JKAMP: variants seen among roughly 807,000 people sequenced by gnomAD.
JKAMP encodes JNK1/MAPK8 associated membrane protein.
A neutral mutation model predicts 40.2 loss-of-function variants in JKAMP; 20 were observed. The observed-to-expected ratio is 0.50, with a 90% CI of 0.35 to 0.72. The LOEUF is 0.72. Among genes scored for constraint, JKAMP ranks in the 30% least tolerant of loss-of-function variants. JKAMP has a pLI of 0.01. For missense variants in JKAMP, 276 were observed against 373.0 expected (o/e 0.74, Z 2.14); for synonymous variants, 138 against 131.6 (o/e 1.05, Z -0.33).
intron 6 of JKAMP, among the ~76,000 whole-genome samples, chr14:59,502,456 C>G (rs1162130716): frequency 6.6e-6 from 1 of 152,156 alleles, no homozygotes; most frequent in African/African-American, 2.4e-5. Context: ...GTGGTTACTG[C>G]TGATGCCACT....
At chr14:59,487,958 T>A in intron 3 of JKAMP, 130 bp downstream of exon 3, 1 of 862,670 alleles carries the variant, frequency 1.2e-6, no homozygotes, top group South Asian at 1.7e-5. Flanking sequence ...ATCTTCAGAT[T>A]ATTCTTAACT....
At chr14:59,495,504 CATT>C (rs1891378306) in intron 4 of JKAMP, among the ~76,000 whole-genome samples, 1 of 152,010 alleles carries the variant, frequency 6.6e-6, no homozygotes, top group African/African-American at 2.4e-5. Flanking sequence ...TAGTAAATGG[CATT>C]ATTACAGTGT....
intron 3 of JKAMP, among the ~76,000 whole-genome samples, chr14:59,490,818 A>T (rs182525885): frequency 3.9e-4 from 59 of 152,322 alleles, no homozygotes; most frequent in African/African-American, 1.4e-3. Context: ...TGTCCAGTCA[A>T]TTGGTGGGAA....
At position 59,484,544 on chromosome 14, in the gene JKAMP, A is replaced by C. The variant is rs541373397; in HGVS notation, c.-46A>C. The C allele has an allele frequency of 1.8e-5, 28 of 1,563,322 alleles. No homozygotes were observed. In the East Asian group the frequency reaches 6.5e-4, roughly 36 times the overall value. Reference sequence around the variant, plus strand: ...GGCCCGGATGTTCGGTGCAGCTGCCAGATCCGCTGATCTAGTGCTTCTCGA... The same window carrying C: ...GGCCCGGATGTTCGGTGCAGCTGCCCGATCCGCTGATCTAGTGCTTCTCGA... On this transcript the variant is annotated 5_prime_UTR_variant, in exon 1 of 7. Coordinates refer to ENST00000616435, the MANE Select transcript of JKAMP (RefSeq NM_016475.5).
At position 59,487,665 on chromosome 14, in the gene JKAMP, A is replaced by G. The variant is rs371249312; in HGVS notation, c.97-9A>G. ...TCTGTACACAAAATATTGGTTTTAT[A>G]TATTATAGGTATGCCCAAGAGGACA... On this transcript the variant is annotated splice_polypyrimidine_tract_variant and intron_variant, in intron 2 of 6. Coordinates refer to ENST00000616435, the MANE Select transcript of JKAMP (RefSeq NM_016475.5). 26 of 1,606,352 alleles carry G rather than the reference A, an allele frequency of 1.6e-5. No homozygotes were observed. In the African/African-American group the frequency reaches 2.4e-4, roughly 15 times the overall value.
At position 59,494,924 on chromosome 14, in the gene JKAMP, T is replaced by C. The variant is rs1282558393; in HGVS notation, c.252-94T>C. On this transcript the variant is annotated intron_variant, in intron 3 of 6. Coordinates refer to ENST00000616435, the MANE Select transcript of JKAMP (RefSeq NM_016475.5). Reference sequence around the variant, plus strand: ...GTAGTTTTTGACTTTTCTTATAGATTTAGAAATCTGTATCTTGACACATGT... The same window carrying C: ...GTAGTTTTTGACTTTTCTTATAGATCTAGAAATCTGTATCTTGACACATGT... 2.8e-5 allele frequency: 25 copies of C among 878,234 alleles called. No homozygotes were observed. In the Admixed American group the frequency reaches 5.7e-4, roughly 20 times the overall value. The allele number at this position is 878,234 out of a possible 1,614,324, so 54.4% of individuals were successfully genotyped here. A position where few individuals can be genotyped will look rare whatever the true frequency, so the allele number is the denominator to read the frequency against.
chr14:59,503,672 C>T (rs1450737204), intron 6 of JKAMP, among the ~76,000 whole-genome samples, 182 bp from the exon 7 acceptor site: 1 of 152,222 alleles, frequency 6.6e-6, no homozygotes, highest in Admixed American at 6.5e-5. Context: ...AGGAGCCTCA[C>T]TTTCCTCATC....
chr14:59,494,399 G>A (rs571452864), intron 3 of JKAMP, among the ~76,000 whole-genome samples: 1 of 152,150 alleles, frequency 6.6e-6, no homozygotes, highest in East Asian at 1.9e-4. Flanking sequence ...TCAGCTATAA[G>A]CAATAACATG....
intron 6 of JKAMP, among the ~76,000 whole-genome samples, chr14:59,502,755 T>TGTTTTGTTTTGTTTTTTTTTGTTTTG (rs67189643): frequency 8.1e-6 from 1 of 122,918 alleles, no homozygotes; most frequent in African/African-American, 3.0e-5. Flanking sequence ...ATGAGATTTT[T>TGTTTTGTTTTGTTTTTTTTTGTTTTG]TTTTTTTTTT....
intron 5 of JKAMP, chr14:59,500,929 A>G (rs944654284): frequency 1.4e-5 from 5 of 355,678 alleles, no homozygotes; most frequent in Non-Finnish European, 2.0e-5. Context: ...CCATTCATGT[A>G]TGTATTCTCT....
chr14:59,492,292 A>T (rs1281570563), intron 3 of JKAMP, among the ~76,000 whole-genome samples: 1 of 152,144 alleles, frequency 6.6e-6, no homozygotes, highest in African/African-American at 2.4e-5. Context: ...AGTTGAAGAT[A>T]GAATTAGTGA....
In JKAMP at chr14:59,503,964, A is replaced by G; in HGVS notation, c.828A>G (p.Gln276=). The G allele has an allele frequency of 6.2e-7, 1 of 1,613,760 alleles. No individual in the cohort carries two copies. The highest frequency in any genetic ancestry group is 8.5e-7 in the Non-Finnish European group (1 of 1,179,728). The change falls in exon 7 of 7, where the codon CAA becomes CAG. Residue 276 remains glutamine (Q), a synonymous_variant. Coordinates refer to ENST00000616435, the MANE Select transcript of JKAMP (RefSeq NM_016475.5). The part of the protein sequence containing the change: ...ISISRVDKLE[Q]DLPLLALVPT... The stretch of plus-strand genomic sequence containing the variant: ...TTTCCAGAGTGGATAAACTTGAGCA[A>G]GATTTGCCCCTTTTGGCTTTGGTAC...
intron 3 of JKAMP, among the ~76,000 whole-genome samples, chr14:59,489,113 C>G (rs915750641): frequency 1.3e-5 from 2 of 152,252 alleles, no homozygotes; most frequent in African/African-American, 4.8e-5. Flanking sequence ...TTGAATTCCT[C>G]TCCTGAAAAT....
chr14:59,494,636 T>C (rs1891298175), intron 3 of JKAMP, among the ~76,000 whole-genome samples: 2 of 152,200 alleles, frequency 1.3e-5, no homozygotes, highest in African/African-American at 2.4e-5. Context: ...TAGTTACAAA[T>C]TGTTGACAGT....
intron 1 of JKAMP, chr14:59,484,927 A>G: frequency 1.4e-6 from 2 of 1,465,190 alleles, no homozygotes; most frequent in Non-Finnish European, 9.0e-7. Flanking sequence ...ATAGTGCAGA[A>G]AAAACAGTAA....
At chr14:59,503,753 A>G in intron 6 of JKAMP, 101 bp from the exon 7 acceptor site, 1 of 709,410 alleles carries the variant, frequency 1.4e-6, no homozygotes, top group Non-Finnish European at 2.3e-6. Context: ...TGATTCTGAG[A>G]TTATAAATAA....
At chr14:59,494,257 CAAAG>C (rs138731906) in intron 3 of JKAMP, among the ~76,000 whole-genome samples, 17,767 of 151,820 alleles carry the variant, frequency 0.12, 1,190 homozygotes, top group African/African-American at 0.18. Context: ...AAAGGCTTCA[CAAAG>C]AAAGTGAAAA....
At chr14:59,486,832 A>C in intron 2 of JKAMP, 28 bp downstream of exon 2, 1 of 1,336,872 alleles carries the variant, frequency 7.5e-7, no homozygotes, top group Non-Finnish European at 1.0e-6. Flanking sequence ...ATCTTATTTC[A>C]TTTTGTAAAA....
At chr14:59,500,192 A>G (rs374490214) in intron 5 of JKAMP, among the ~76,000 whole-genome samples, 5 of 152,314 alleles carry the variant, frequency 3.3e-5, no homozygotes. Flanking sequence ...ATAACTGTCT[A>G]TGAAATAAAA....
Sources: gnomAD v4.1 joint callset for allele counts (sites outside exome capture counted in the v4.1 genomes callset) on GRCh38, gnomAD v4.1.1 for gene constraint, MANE v1.5 for transcripts, NCBI Gene and HGNC (gene_info 2026-07-23, HGNC 2026-07-21) for gene names.